Variants in SYNE1 observed in about 807,000 individuals in gnomAD.
SYNE1 encodes nesprin-1.
Under a neutral mutation model 1,111.0 loss-of-function variants are expected in SYNE1, and 616 were observed. That is an observed-to-expected ratio of 0.55 (90% CI 0.52 to 0.59). The LOEUF is 0.59. SYNE1 is among the 20% of genes least tolerant of loss of function. SYNE1 has a pLI of 0.00. For synonymous variants in SYNE1, 3,855 were observed against 3,825.8 expected (o/e 1.01, Z -0.28); for missense variants, 10,006 against 10,417.0 (o/e 0.96, Z 1.72).
intron 3 of SYNE1, among the ~76,000 whole-genome samples, chr6:152,587,097 T>C (rs2099542277): frequency 6.6e-6 from 1 of 152,084 alleles, no homozygotes; most frequent in Non-Finnish European, 1.5e-5. Flanking sequence ...AGCTTCAGAG[T>C]GGTATGTATC....
At chr6:152,471,523 A>G in intron 16 of SYNE1, 74 bp downstream of exon 16, 1 of 1,416,454 alleles carries the variant, frequency 7.1e-7, no homozygotes, top group Non-Finnish European at 1.0e-6. Context: ...TAAAATAACA[A>G]CATCAAAGAA....
intron 51 of SYNE1, among the ~76,000 whole-genome samples, chr6:152,394,419 G>GATT (rs143735924): frequency 0.12 from 18,747 of 152,172 alleles, 1,724 homozygotes; most frequent in Non-Finnish European, 0.18. Context: ...GACAGGTAAT[G>GATT]AGCCCAAGGA....
chr6:152,540,870 T>G (rs1407135848), intron 3 of SYNE1, among the ~76,000 whole-genome samples: 1 of 152,192 alleles, frequency 6.6e-6, no homozygotes, highest in East Asian at 1.9e-4. Flanking sequence ...TCACAAGGAA[T>G]GAATTCTGTT....
At chr6:152,605,025 AGAGAGAGAGAGGGAGGGAGG>A (rs1310412994) in intron 3 of SYNE1, among the ~76,000 whole-genome samples, 6 of 67,464 alleles carry the variant, frequency 8.9e-5, no homozygotes, top group African/African-American at 2.9e-4. Flanking sequence ...AGAGAGAGAG[AGAGAGAGAGAGGGAGGGAGG>A]GAGGGAGGGA....
In SYNE1 at chr6:152,369,145, G is replaced by A. The variant is rs377459526; in HGVS notation, c.9652-18C>T. 11 of 1,611,464 alleles carry A rather than the reference G, an allele frequency of 6.8e-6. No homozygotes were observed. The African/African-American group carries it at 1.1e-4, about 16-fold the overall frequency. On this transcript the variant is annotated intron_variant, in intron 60 of 145. Coordinates refer to ENST00000367255, the MANE Select transcript of SYNE1 (RefSeq NM_182961.4). ...AGGACAGACTGAAAAGCACAAGCAA[G>A]TTACTATTCAGAGGCTGGGGAAAAG...
At chr6:152,478,947 G>T (rs577724749) in intron 14 of SYNE1, among the ~76,000 whole-genome samples, 18 of 152,316 alleles carry the variant, frequency 1.2e-4, no homozygotes, top group Non-Finnish European at 1.9e-4. Context: ...GCGAGGATGT[G>T]GATGAGTGGG....
Position 152,130,043 on chromosome 6 carries a change from C to T in SYNE1, c.26153+677G>A, listed in dbSNP as rs985689394. On this transcript the variant is annotated intron_variant, in intron 145 of 145. Transcript: ENST00000367255. ...GCTGCTGGAGGCCAGGCAGGAAGCG[C>T]GGAGTGGCAGCTGTGAGTCGGCTCT... Among the ~76,000 whole-genome samples, 9 of 152,044 alleles carry T rather than the reference C, an allele frequency of 5.9e-5. No homozygotes were observed. In the South Asian group the frequency reaches 8.3e-4, roughly 14 times the overall value.
chr6:152,586,708 A>G (rs2099540624), intron 3 of SYNE1, among the ~76,000 whole-genome samples: 1 of 152,052 alleles, frequency 6.6e-6, no homozygotes, highest in Non-Finnish European at 1.5e-5. Context: ...TATACAAATC[A>G]GAATTAAGTG....
intron 123 of SYNE1, 152 bp from the exon 124 acceptor site, chr6:152,211,740 TC>T: frequency 1.5e-6 from 1 of 665,528 alleles, no homozygotes; most frequent in Middle Eastern, 4.1e-4. Flanking sequence ...AGTTTAGGAA[TC>T]ATTTATTTTT....
At chr6:152,511,699 C>T in intron 6 of SYNE1, 1 of 1,140,632 alleles carries the variant, frequency 8.8e-7, no homozygotes, top group Non-Finnish European at 1.3e-6. Flanking sequence ...AGTTTAGAAC[C>T]TGACTGTGGT....
chr6:152,199,314 C>A, intron 127 of SYNE1, among the ~76,000 whole-genome samples: 1 of 152,164 alleles, frequency 6.6e-6, no homozygotes, highest in South Asian at 2.1e-4. Context: ...TTTTTAAAAA[C>A]AGACACCTAA....
At chr6:152,451,295 C>A in intron 25 of SYNE1, 90 bp from the exon 26 acceptor site, 1 of 1,349,424 alleles carries the variant, frequency 7.4e-7, no homozygotes. Context: ...AAACAAAAAC[C>A]ATAACATATT....
intron 3 of SYNE1, among the ~76,000 whole-genome samples, chr6:152,572,671 C>A (rs1397829367): frequency 6.6e-6 from 1 of 152,106 alleles, no homozygotes; most frequent in Non-Finnish European, 1.5e-5. Flanking sequence ...AAAAGTCTTT[C>A]CTGAAGGGCA....
At chr6:152,136,102 C>T (rs1056311009) in intron 141 of SYNE1, among the ~76,000 whole-genome samples, 8 of 152,212 alleles carry the variant, frequency 5.3e-5, no homozygotes, top group South Asian at 2.1e-4. Context: ...TTATCATCCA[C>T]GTCTGCAAGT....
intron 106 of SYNE1, among the ~76,000 whole-genome samples, chr6:152,243,221 T>C (rs2086213773): frequency 1.3e-5 from 2 of 152,334 alleles, no homozygotes; most frequent in Middle Eastern, 3.4e-3. Context: ...AACATTCATA[T>C]AATTTCAGAG....
intron 2 of SYNE1, among the ~76,000 whole-genome samples, chr6:152,631,040 G>A (rs756697254): frequency 6.6e-6 from 1 of 152,208 alleles, no homozygotes; most frequent in African/African-American, 2.4e-5. Context: ...ATATGACACA[G>A]AGACTATTTT....
At chr6:152,400,626 C>T (rs762621726) in intron 47 of SYNE1, among the ~76,000 whole-genome samples, 1 of 152,064 alleles carries the variant, frequency 6.6e-6, no homozygotes, top group Non-Finnish European at 1.5e-5. Context: ...TGTGCCACTG[C>T]ACTCCAGCCT....
chr6:152,573,306 A>C (rs552795044), intron 3 of SYNE1, among the ~76,000 whole-genome samples: 3 of 147,536 alleles, frequency 2.0e-5, no homozygotes, highest in Middle Eastern at 3.5e-3. Flanking sequence ...AGCATTAGGT[A>C]TATCTCCTAA....
chr6:152,301,670 C>A (rs1200851610), intron 92 of SYNE1, among the ~76,000 whole-genome samples, 199 bp downstream of exon 92: 1 of 152,216 alleles, frequency 6.6e-6, no homozygotes, highest in Non-Finnish European at 1.5e-5. Flanking sequence ...CACATAGTTT[C>A]ATTTTAACTG....
Sources: gnomAD v4.1 joint callset for allele counts (sites outside exome capture counted in the v4.1 genomes callset) on GRCh38, gnomAD v4.1.1 for gene constraint, MANE v1.5 for transcripts, NCBI Gene and HGNC (gene_info 2026-07-23, HGNC 2026-07-21) for gene names.